The following RBFOX1 variants were observed in gnomAD, a reference collection of about 807,000 sequenced individuals.
RBFOX1 encodes the protein RNA binding fox-1 homolog 1, also known as RNA binding protein fox-1 homolog 1.
RBFOX1 carries 8 observed loss-of-function variants against 57.7 expected under a neutral mutation model. That is an observed-to-expected ratio of 0.14 (90% confidence interval 0.08 to 0.25). RBFOX1 has a LOEUF of 0.25. Among genes scored for constraint, RBFOX1 ranks in the 10% least tolerant of loss-of-function variants. RBFOX1 has a pLI of 1.00. For missense variants in RBFOX1, 611 were observed against 548.5 expected (o/e 1.11, Z -1.14); for synonymous variants, 326 against 222.4 (o/e 1.47, Z -4.15).
intron 4 of RBFOX1, among the ~76,000 whole-genome samples, chr16:7,282,830 T>C (rs1603484002): frequency 6.6e-6 from 1 of 152,192 alleles, no homozygotes; most frequent in South Asian, 2.1e-4. Context: ...GAACATATGA[T>C]GTTTGGTTTT....
chr16:5,796,770 C>A (rs2054893320), intron 3 of RBFOX1, among the ~76,000 whole-genome samples: 1 of 152,202 alleles, frequency 6.6e-6, no homozygotes, highest in South Asian at 2.1e-4. Flanking sequence ...TAAGATTCAA[C>A]CCCAGCTCTG....
At chr16:7,613,334 A>C (rs757777539) in intron 10 of RBFOX1, among the ~76,000 whole-genome samples, 2 of 152,210 alleles carry the variant, frequency 1.3e-5, no homozygotes. Context: ...TCAGGTCTTG[A>C]AACAAGCTCA....
At position 7,664,981 on chromosome 16, in the gene RBFOX1, T is replaced by C. The variant is rs2068795463; in HGVS notation, c.930+13T>C. 1 of 1,613,936 alleles carries C rather than the reference T, an allele frequency of 6.2e-7. No homozygotes were observed. On this transcript the variant is annotated intron_variant, in intron 13 of 15. Coordinates refer to ENST00000550418, the MANE Select transcript of RBFOX1 (RefSeq NM_018723.4). The stretch of plus-strand genomic sequence containing the variant: ...TGCAGACATTTATGTAAGTATTCAT[T>C]CACGTGCATGCCATCCCCGTTTCCT...
intron 10 of RBFOX1, among the ~76,000 whole-genome samples, chr16:7,616,490 C>G (rs1159334092): frequency 6.6e-6 from 1 of 152,202 alleles, no homozygotes; most frequent in Non-Finnish European, 1.5e-5. Context: ...CAGGAATTCA[C>G]CATAAATAGT....
At chr16:7,212,349 G>A (rs1417850898) in intron 4 of RBFOX1, among the ~76,000 whole-genome samples, 1 of 152,174 alleles carries the variant, frequency 6.6e-6, no homozygotes, top group Non-Finnish European at 1.5e-5. Flanking sequence ...GTATTCGCTT[G>A]CCTGTAGCCG....
chr16:6,711,063 G>T (rs911301478), intron 3 of RBFOX1, among the ~76,000 whole-genome samples: 1 of 152,152 alleles, frequency 6.6e-6, no homozygotes, highest in Non-Finnish European at 1.5e-5. Flanking sequence ...GATTGCTTAG[G>T]CCAAAACTCT....
rs569991319 is a variant in RBFOX1, at chr16:6,930,478, C to T, written c.-15-121579C>T. Among the ~76,000 whole-genome samples, 19 of 151,692 alleles carry T rather than the reference C, an allele frequency of 1.3e-4. No homozygotes were observed. In the East Asian group the frequency reaches 1.4e-3, roughly 11 times the overall value. On this transcript the variant is annotated intron_variant, in intron 3 of 15. Coordinates refer to ENST00000550418, the MANE Select transcript of RBFOX1 (RefSeq NM_018723.4). ...AGGCTGGAGCGCAGTGGTGTGATCT[C>T]GGCTCACTACAACCTCTGCCTTCTG...
intron 4 of RBFOX1, among the ~76,000 whole-genome samples, chr16:5,942,852 G>A (rs1032280292): frequency 2.6e-5 from 4 of 152,196 alleles, no homozygotes; most frequent in Non-Finnish European, 5.9e-5. Context: ...AAACTAAGAT[G>A]AGGATGGGAG....
At chr16:5,264,827 A>T (rs1477420512) in intron 1 of RBFOX1, among the ~76,000 whole-genome samples, 1 of 151,716 alleles carries the variant, frequency 6.6e-6, no homozygotes, top group Non-Finnish European at 1.5e-5. Flanking sequence ...AGGTAATGCA[A>T]CCCCCATTAG....
intron 4 of RBFOX1, among the ~76,000 whole-genome samples, chr16:7,186,321 T>G (rs1279757360): frequency 2.7e-5 from 2 of 75,428 alleles, no homozygotes; most frequent in Admixed American, 1.3e-4. Flanking sequence ...TATATAAATA[T>G]AAACATAAAC....
At chr16:6,613,005 GTGTGT>G (rs1567883089) in intron 2 of RBFOX1, among the ~76,000 whole-genome samples, 24 of 1,368 alleles carry the variant, frequency 0.018, no homozygotes, top group African/African-American at 0.026. Context: ...GTCCCAGCAT[GTGTGT>G]GTGTGTGTGT....
At chr16:6,324,718 A>C (rs951068804) in intron 2 of RBFOX1, among the ~76,000 whole-genome samples, 1 of 152,190 alleles carries the variant, frequency 6.6e-6, no homozygotes, top group Admixed American at 6.5e-5. Context: ...GATTTGGGTG[A>C]GGACACATGC....
Position 6,019,590 on chromosome 16 carries a change from C to G in RBFOX1, c.-529C>G. 8.3e-7 allele frequency: 1 copy of G among 1,198,434 alleles called. No individual in the cohort carries two copies. The highest frequency in any genetic ancestry group is 1.0e-6 in the Non-Finnish European group (1 of 966,144). 74.2% of individuals were successfully genotyped at this position (1,198,434 alleles called of 1,614,324 possible). A position where few individuals can be genotyped will look rare whatever the true frequency, so the allele number is the denominator to read the frequency against. On this transcript the variant is annotated 5_prime_UTR_variant, in exon 1 of 16. Coordinates refer to ENST00000550418, the MANE Select transcript of RBFOX1 (RefSeq NM_018723.4). This position sits in a 1 kb window ranked among gnomAD's most constrained non-coding sequence, Gnocchi z 4.2. ...TGGACCCACGCGCGCGCCTCCGGGG[C>G]TGAAGAAGGAAGGAGTGAGCCGAGC...
At chr16:5,731,488 A>G (rs2052372050) in intron 3 of RBFOX1, among the ~76,000 whole-genome samples, 1 of 152,236 alleles carries the variant, frequency 6.6e-6, no homozygotes, top group Non-Finnish European at 1.5e-5. Flanking sequence ...AAAAGAAGAC[A>G]CACCCAGATG....
chr16:7,433,016 C>T (rs1246431165), intron 4 of RBFOX1, among the ~76,000 whole-genome samples: 2 of 152,114 alleles, frequency 1.3e-5, no homozygotes, highest in Admixed American at 6.6e-5. Context: ...TATCTTGTAG[C>T]CCCCAGCAAA....
chr16:7,010,495 T>C lies in RBFOX1; in HGVS notation c.-15-41562T>C, dbSNP rs560378707. Among the ~76,000 whole-genome samples the C allele has an allele frequency of 5.3e-5, 8 of 151,818 alleles. No individual in the cohort carries two copies. In the East Asian group the frequency reaches 1.6e-3, roughly 29 times the overall value. ...GATCTCTGGTGGCCAGTGAAGGAGA[T>C]GTGGGTTGGAAAAGGAGGGAGAGAC... On this transcript the variant is annotated intron_variant, in intron 3 of 15. Coordinates refer to ENST00000550418, the MANE Select transcript of RBFOX1 (RefSeq NM_018723.4).
At chr16:6,210,344 A>C (rs1327398189) in intron 1 of RBFOX1, among the ~76,000 whole-genome samples, 4 of 80,320 alleles carry the variant, frequency 5.0e-5, no homozygotes, top group African/African-American at 9.5e-5. Flanking sequence ...AAACAAAAAA[A>C]CAAAAAAAAA....
At chr16:7,389,998 G>C (rs2097966252) in intron 4 of RBFOX1, among the ~76,000 whole-genome samples, 1 of 152,136 alleles carries the variant, frequency 6.6e-6, no homozygotes, top group Non-Finnish European at 1.5e-5. Flanking sequence ...TACAGGCTCT[G>C]CTTCTGGGGA....
At chr16:6,021,063 C>G (rs2095065232) in intron 1 of RBFOX1, among the ~76,000 whole-genome samples, 1 of 152,196 alleles carries the variant, frequency 6.6e-6, no homozygotes, top group East Asian at 1.9e-4. Context: ...AAATCCTGGT[C>G]AGGCAGTCCG....
Sources: gnomAD v4.1 joint callset for allele counts (sites outside exome capture counted in the v4.1 genomes callset) on GRCh38, gnomAD v4.1.1 for gene constraint, Gnocchi (gnomAD v3.1) non-coding constraint, MANE v1.5 for transcripts, NCBI Gene and HGNC (gene_info 2026-07-23, HGNC 2026-07-21) for gene names.